Variants in RBFOX3 observed in about 807,000 individuals in gnomAD.
RBFOX3 encodes the protein RNA binding protein fox-1 homolog 3.
Under a neutral mutation model 48.7 loss-of-function variants are expected in RBFOX3, and 17 were observed. The ratio of observed to expected loss-of-function variants is 0.35; its 90% confidence interval spans 0.24 to 0.52. The LOEUF is 0.52. RBFOX3 is among the 20% of genes least tolerant of loss of function. The pLI, the probability that RBFOX3 is intolerant of heterozygous loss-of-function variation, is 0.94. For synonymous variants in RBFOX3, 212 were observed against 209.5 expected, an observed-to-expected ratio of 1.01 and a Z score of -0.10; for missense variants, 382 against 497.5, an observed-to-expected ratio of 0.77 and a Z score of 2.21.
intron 2 of RBFOX3, among the ~76,000 whole-genome samples, chr17:79,432,862 G>A (rs1162002221): frequency 7.2e-5 from 11 of 152,234 alleles, no homozygotes; most frequent in Non-Finnish European, 5.9e-5. Context: ...GCCACAGCTC[G>A]CGAGGCTGGG....
rs1014717685 is a variant in RBFOX3, at chr17:79,435,681, G to A, written c.-175+46773C>T. On this transcript the variant is annotated intron_variant, in intron 2 of 14. Coordinates refer to ENST00000693108, the MANE Select transcript of RBFOX3 (RefSeq NM_001350451.2). ...GGGCCCCTGGGCCCTCCAGCCCTGT[G>A]CCCCATTCCCCTTTGCTGGCCAGGT... Among the ~76,000 whole-genome samples the A allele has an allele frequency of 7.2e-5, 11 of 152,344 alleles. No individual in the cohort carries two copies. In the South Asian group the frequency reaches 2.3e-3, roughly 32 times the overall value.
chr17:79,151,910 G>A (rs2044579116), intron 4 of RBFOX3, among the ~76,000 whole-genome samples: 1 of 48,388 alleles, frequency 2.1e-5, no homozygotes, highest in African/African-American at 6.1e-5. Flanking sequence ...GGGGAGGAGG[G>A]GAGGCGAGGA....
At chr17:79,587,050 C>T (rs1474151342) in intron 1 of RBFOX3, among the ~76,000 whole-genome samples, 1 of 152,116 alleles carries the variant, frequency 6.6e-6, no homozygotes, top group African/African-American at 2.4e-5. Flanking sequence ...CAAGAAAGAC[C>T]ACTGGAAATT....
chr17:79,579,083 C>T (rs909778687), intron 1 of RBFOX3, among the ~76,000 whole-genome samples: 11 of 152,232 alleles, frequency 7.2e-5, no homozygotes, highest in Admixed American at 3.9e-4. Context: ...CTGAACAGGA[C>T]GGGCCTTTGT....
chr17:79,342,903 T>G (rs999805069), intron 2 of RBFOX3, among the ~76,000 whole-genome samples: 1 of 152,244 alleles, frequency 6.6e-6, no homozygotes, highest in Non-Finnish European at 1.5e-5. Flanking sequence ...TGGATTACTT[T>G]ACATGACTTT....
chr17:79,144,584 G>A (rs1326293581), intron 4 of RBFOX3, among the ~76,000 whole-genome samples: 4 of 152,170 alleles, frequency 2.6e-5, no homozygotes, highest in South Asian at 2.1e-4. Flanking sequence ...GGCTCATGCC[G>A]CAGACCTGAA....
intron 4 of RBFOX3, among the ~76,000 whole-genome samples, chr17:79,142,705 GC>G (rs1444287656): frequency 2.0e-5 from 3 of 152,180 alleles, no homozygotes; most frequent in Non-Finnish European, 4.4e-5. Flanking sequence ...CTCTGAACAG[GC>G]CGAGGGCTGC....
intron 4 of RBFOX3, chr17:79,132,938 TG>T (rs1333030014): frequency 9.2e-5 from 14 of 152,340 alleles, no homozygotes; most frequent in African/African-American, 3.4e-4. Flanking sequence ...GTCCTGAGGA[TG>T]ATCCCCTTGC....
chr17:79,504,775 T>C (rs1005423020), intron 1 of RBFOX3, among the ~76,000 whole-genome samples: 1 of 152,214 alleles, frequency 6.6e-6, no homozygotes, highest in East Asian at 1.9e-4. Flanking sequence ...AGTCTGCCTT[T>C]GACATATAAA....
chr17:79,455,142 A>G (rs8074506), intron 2 of RBFOX3, among the ~76,000 whole-genome samples: 80,506 of 151,526 alleles, frequency 0.53, 21,885 homozygotes, highest in Middle Eastern at 0.6. Flanking sequence ...CCTCCATGGG[A>G]TGTACATGGG....
chr17:79,125,916 C>G (rs114871904), intron 4 of RBFOX3, among the ~76,000 whole-genome samples: 4,311 of 152,320 alleles, frequency 0.028, 205 homozygotes, highest in African/African-American at 0.096. Flanking sequence ...CTGTGCCACC[C>G]ATGCAGGTCA....
chr17:79,208,884 C>T (rs1007793679), intron 4 of RBFOX3, among the ~76,000 whole-genome samples: 4 of 151,914 alleles, frequency 2.6e-5, no homozygotes, highest in Non-Finnish European at 5.9e-5. Flanking sequence ...GATGTGATCT[C>T]GGCTCACTGC....
chr17:79,096,620 T>TG, intron 12 of RBFOX3, 33 bp downstream of exon 12: 38 of 1,502,316 alleles, frequency 2.5e-5, no homozygotes, highest in Non-Finnish European at 3.4e-5. Flanking sequence ...GAACGCCTGA[T>TG]CCCACCCTCC....
intron 1 of RBFOX3, among the ~76,000 whole-genome samples, chr17:79,511,016 C>T (rs1445523906): frequency 2.0e-5 from 3 of 152,126 alleles, no homozygotes; most frequent in Non-Finnish European, 2.9e-5. Flanking sequence ...TCTGAGGCTG[C>T]CCCCCAGAAC....
At chr17:79,202,919 G>A (rs1170818290) in intron 4 of RBFOX3, among the ~76,000 whole-genome samples, 1 of 152,150 alleles carries the variant, frequency 6.6e-6, no homozygotes, top group African/African-American at 2.4e-5. Context: ...ATGGAGCCCC[G>A]AGGGGCTAAG....
chr17:79,620,146 C>CGG, the RBFOX3 span, among the ~76,000 whole-genome samples: 2 of 129,320 alleles, frequency 1.5e-5, no homozygotes, highest in African/African-American at 3.0e-5. Flanking sequence ...CACGCGCACA[C>CGG]ACATGCACGC....
chr17:79,478,601 C>T (rs961641674), intron 2 of RBFOX3, among the ~76,000 whole-genome samples: 2 of 152,170 alleles, frequency 1.3e-5, no homozygotes, highest in African/African-American at 4.8e-5. Context: ...ACCCCAACAA[C>T]GAACAGCAAT....
rs1406750545 is a variant in RBFOX3 at position 79,198,740 on chromosome 17, C to T, written c.-34+37026G>A. ...TTCCGGGTTCAAGCGATTCTCCTGCCTCAGCCTCCCAAGTAGCTGGGATTA... is the reference window on the plus strand; with the variant it reads ...TTCCGGGTTCAAGCGATTCTCCTGCTTCAGCCTCCCAAGTAGCTGGGATTA... On this transcript the variant is annotated intron_variant, in intron 4 of 14. Transcript: ENST00000693108. The surrounding 1 kb of genome is among the most constrained non-coding windows in gnomAD (Gnocchi z 8.2). 6.6e-6 allele frequency among the ~76,000 whole-genome samples: 1 copy of T among 152,100 alleles called. No homozygotes were observed. Among genetic ancestry groups the T allele is most frequent in the African/African-American group, 2.4e-5 (1 of 41,408 alleles).
intron 1 of RBFOX3, among the ~76,000 whole-genome samples, chr17:79,584,348 A>G (rs927843083): frequency 1.2e-4 from 19 of 152,256 alleles, no homozygotes; most frequent in Non-Finnish European, 2.2e-4. Flanking sequence ...TTAAAGAACT[A>G]TAAGTAGAAC....
Sources: allele counts gnomAD v4.1 joint callset (sites outside exome capture counted in the v4.1 genomes callset), GRCh38; gene constraint gnomAD v4.1.1; non-coding constraint Gnocchi (gnomAD v3.1); transcripts MANE v1.5; gene names NCBI Gene and HGNC (gene_info 2026-07-23, HGNC 2026-07-21).